Variants in NRXN1 observed in about 807,000 individuals in gnomAD.
The protein encoded by NRXN1 is neurexin-1.
In NRXN1, 39 loss-of-function variants were observed where a neutral mutation model predicts 150.9. The ratio of observed to expected loss-of-function variants is 0.26; its 90% CI spans 0.20 to 0.34. NRXN1 has a LOEUF of 0.34. Ranked by LOEUF, NRXN1 falls within the 10% of genes least tolerant of loss-of-function variation. The pLI is 1.00. For missense variants in NRXN1, 1,815 were observed against 1,949.9 expected (o/e 0.93, Z 1.30); for synonymous variants, 924 against 757.0 (o/e 1.22, Z -3.62).
intron 17 of NRXN1, among the ~76,000 whole-genome samples, chr2:50,380,141 T>C (rs1275001697): frequency 6.6e-6 from 1 of 152,158 alleles, no homozygotes; most frequent in East Asian, 1.9e-4. Context: ...TTGACTACTC[T>C]TTTTAATCTT....
chr2:50,563,945 C>T (rs1285041267), intron 8 of NRXN1, among the ~76,000 whole-genome samples: 1 of 152,118 alleles, frequency 6.6e-6, no homozygotes, highest in Non-Finnish European at 1.5e-5. Flanking sequence ...TTTAAGACAG[C>T]CAATGCTGAT....
chr2:50,110,334 C>T (rs1311811687), intron 18 of NRXN1, among the ~76,000 whole-genome samples: 1 of 149,666 alleles, frequency 6.7e-6, no homozygotes, highest in African/African-American at 2.5e-5. Context: ...ACTAAAAATA[C>T]AAAAAAAAAT....
intron 5 of NRXN1, among the ~76,000 whole-genome samples, chr2:50,692,269 A>G (rs1390145192): frequency 6.6e-6 from 1 of 152,206 alleles, no homozygotes; most frequent in Non-Finnish European, 1.5e-5. Flanking sequence ...TAGAGATTGC[A>G]TCATTATGTC....
intron 5 of NRXN1, among the ~76,000 whole-genome samples, chr2:50,831,282 T>C (rs1671370276): frequency 6.6e-6 from 1 of 152,194 alleles, no homozygotes; most frequent in African/African-American, 2.4e-5. Flanking sequence ...GAGCCAAACA[T>C]GTCAAATAAC....
chr2:50,430,666 A>G (rs759828895), intron 17 of NRXN1, among the ~76,000 whole-genome samples: 6 of 152,190 alleles, frequency 3.9e-5, no homozygotes, highest in Non-Finnish European at 8.8e-5. Flanking sequence ...GTCTTTCTCT[A>G]TAGGCTTGTG....
intron 21 of NRXN1, among the ~76,000 whole-genome samples, chr2:50,051,881 T>C (rs912999115): frequency 6.6e-6 from 1 of 152,098 alleles, no homozygotes; most frequent in African/African-American, 2.4e-5. Context: ...CATCCCATTT[T>C]ATTTTGTAGC....
intron 5 of NRXN1, among the ~76,000 whole-genome samples, chr2:50,692,306 T>A (rs1692195166): frequency 6.6e-6 from 1 of 152,206 alleles, no homozygotes; most frequent in African/African-American, 2.4e-5. Flanking sequence ...CATTCCTTTT[T>A]TATTTTCTAG....
intron 5 of NRXN1, among the ~76,000 whole-genome samples, chr2:50,737,384 T>G (rs1404707574): frequency 6.6e-6 from 1 of 152,202 alleles, no homozygotes; most frequent in African/African-American, 2.4e-5. Flanking sequence ...GTACTGTTTA[T>G]ACACATTGTT....
chr2:50,359,635 G>C (rs1235394696), intron 17 of NRXN1, among the ~76,000 whole-genome samples: 1 of 152,018 alleles, frequency 6.6e-6, no homozygotes. Flanking sequence ...CATTTGATTG[G>C]TCTACCTGAA....
At chr2:50,634,882 C>T (rs1236888146) in intron 5 of NRXN1, among the ~76,000 whole-genome samples, 1 of 152,098 alleles carries the variant, frequency 6.6e-6, no homozygotes, top group Non-Finnish European at 1.5e-5. Context: ...CCTCTGCTGC[C>T]CTTCATGCAG....
chr2:50,760,795 T>C (rs1701717782), intron 5 of NRXN1, among the ~76,000 whole-genome samples: 1 of 151,886 alleles, frequency 6.6e-6, no homozygotes, highest in Admixed American at 6.6e-5. Context: ...GAGGCAGATG[T>C]GGTAAGCAGA....
intron 17 of NRXN1, chr2:50,464,600 A>G (rs1384920004): frequency 6.6e-6 from 1 of 151,944 alleles, no homozygotes; most frequent in African/African-American, 2.4e-5. Flanking sequence ...ATCATCCTGG[A>G]GGTTTAGCTT....
rs116840664 is a variant in NRXN1, at chr2:50,809,191, A to G, written c.832+112678T>C. ...TGCTACGAAGTTGTTAGAATGAGCT[A>G]GGTGTAGCCTTGAGGACTTAGTAAA... On this transcript the variant is annotated intron_variant, in intron 5 of 22. Coordinates refer to ENST00000401669, the MANE Select transcript of NRXN1 (RefSeq NM_001330078.2). Among the ~76,000 whole-genome samples the G allele has an allele frequency of 3.4e-3, 519 of 152,240 alleles. 4 individuals are homozygous for G. Among genetic ancestry groups the G allele is most frequent in the African/African-American group, 0.011 (466 of 41,574 alleles).
At chr2:50,471,455 G>A (rs1644075346) in intron 16 of NRXN1, among the ~76,000 whole-genome samples, 1 of 151,810 alleles carries the variant, frequency 6.6e-6, no homozygotes, top group South Asian at 2.1e-4. Context: ...CTATGGCTAA[G>A]TAGTATTCTG....
At chr2:50,063,543 A>AACAG (rs1558798019) in intron 19 of NRXN1, among the ~76,000 whole-genome samples, 1 of 63,208 alleles carries the variant, frequency 1.6e-5, no homozygotes, top group South Asian at 4.3e-4. Flanking sequence ...TGCCCACCTC[A>AACAG]ACAGACACAC....
intron 8 of NRXN1, among the ~76,000 whole-genome samples, chr2:50,561,008 T>C (rs1417147550): frequency 6.6e-6 from 1 of 152,212 alleles, no homozygotes; most frequent in African/African-American, 2.4e-5. Context: ...AAAAACAATA[T>C]TTTGTTTACA....
chr2:50,360,299 C>T (rs138907147), intron 17 of NRXN1, among the ~76,000 whole-genome samples: 118 of 152,266 alleles, frequency 7.7e-4, no homozygotes, highest in African/African-American at 2.6e-3. Flanking sequence ...ATGCCCAAAT[C>T]GAAAGGCAAG....
intron 5 of NRXN1, among the ~76,000 whole-genome samples, chr2:50,911,379 T>A (rs1684497152): frequency 7.3e-6 from 1 of 137,594 alleles, no homozygotes; most frequent in Admixed American, 7.5e-5. Flanking sequence ...CCACTTCCTT[T>A]ATAGTTTTTT....
chr2:50,199,704 T>G (rs565281268), intron 18 of NRXN1, among the ~76,000 whole-genome samples: 47 of 152,248 alleles, frequency 3.1e-4, no homozygotes, highest in Middle Eastern at 6.8e-3. Context: ...TAAGGGAGCA[T>G]GCAATCACAT....
Sources: allele counts gnomAD v4.1 joint callset (sites outside exome capture counted in the v4.1 genomes callset), GRCh38; gene constraint gnomAD v4.1.1; transcripts MANE v1.5; gene names NCBI Gene and HGNC (gene_info 2026-07-23, HGNC 2026-07-21).